Variants in FBXL17 observed in about 807,000 individuals in gnomAD.
FBXL17 encodes F-box and leucine rich repeat protein 17.
FBXL17 carries 22 observed loss-of-function variants against 66.2 expected under a neutral mutation model. That is an observed-to-expected ratio of 0.33 (90% CI 0.24 to 0.47). FBXL17 has a LOEUF of 0.47. FBXL17 is among the 20% of genes least tolerant of loss of function. The pLI, the probability that FBXL17 is intolerant of heterozygous loss-of-function variation, is 1.00. For synonymous variants in FBXL17, 474 were observed against 400.5 expected (o/e 1.18, Z -2.19); for missense variants, 878 against 948.2 (o/e 0.93, Z 0.97).
At chr5:107,887,480 C>T (rs1227847511) in intron 7 of FBXL17, among the ~76,000 whole-genome samples, 1 of 152,066 alleles carries the variant, frequency 6.6e-6, no homozygotes, top group Non-Finnish European at 1.5e-5. Context: ...GAAGAAAAGC[C>T]CTAGTGCTTG....
chr5:108,107,497 T>G (rs994639902), intron 6 of FBXL17, among the ~76,000 whole-genome samples: 1 of 152,118 alleles, frequency 6.6e-6, no homozygotes, highest in Non-Finnish European at 1.5e-5. Context: ...GGCTTGACAA[T>G]TTCACTTTGT....
chr5:107,986,041 AATATT>A (rs981124688), intron 7 of FBXL17, among the ~76,000 whole-genome samples: 3 of 152,144 alleles, frequency 2.0e-5, no homozygotes, highest in African/African-American at 7.2e-5. Flanking sequence ...AAGTTATAAT[AATATT>A]ATATGTGGTT....
chr5:108,114,975 T>C lies in FBXL17; in HGVS notation c.1745+71142A>G, dbSNP rs139928870. Among the ~76,000 whole-genome samples the C allele has an allele frequency of 1.1e-3, 163 of 152,298 alleles. 2 individuals carry two copies. The highest frequency in any genetic ancestry group is 3.6e-3 in the African/African-American group (151 of 41,568). ...ATACAGAAATGTAGTCCAAAAAATG[T>C]AGTGATTTCAAAATGGTGTGCACTC... On this transcript the variant is annotated intron_variant, in intron 6 of 8. Coordinates refer to ENST00000542267, the MANE Select transcript of FBXL17 (RefSeq NM_001163315.3).
intron 6 of FBXL17, among the ~76,000 whole-genome samples, chr5:108,171,428 C>A (rs1337936780): frequency 6.6e-6 from 1 of 152,156 alleles, no homozygotes; most frequent in East Asian, 1.9e-4. Flanking sequence ...AGACATTCTA[C>A]CTATCTGTGC....
intron 6 of FBXL17, among the ~76,000 whole-genome samples, chr5:108,034,551 TTAA>T (rs1160295668): frequency 2.0e-5 from 3 of 152,210 alleles, no homozygotes; most frequent in African/African-American, 7.2e-5. Flanking sequence ...CTATTTCTAA[TTAA>T]TACTTGAGTA....
At chr5:107,915,050 GATA>G (rs140181213) in intron 7 of FBXL17, among the ~76,000 whole-genome samples, 2,320 of 152,178 alleles carry the variant, frequency 0.015, 73 homozygotes, top group African/African-American at 0.053. Flanking sequence ...TGATGAAGAA[GATA>G]ATAAACTATC....
chr5:107,994,559 G>T (rs187575447), intron 7 of FBXL17, among the ~76,000 whole-genome samples: 1 of 152,112 alleles, frequency 6.6e-6, no homozygotes, highest in African/African-American at 2.4e-5. Flanking sequence ...CCTATACAAG[G>T]CTGGGCACGG....
At chr5:108,283,944 C>T (rs2150153427) in intron 4 of FBXL17, among the ~76,000 whole-genome samples, 3 of 152,072 alleles carry the variant, frequency 2.0e-5, no homozygotes, top group Middle Eastern at 3.4e-3. Context: ...CAATACTCCA[C>T]ATCGCTAATC....
At chr5:108,014,103 G>A (rs1398923163) in intron 7 of FBXL17, among the ~76,000 whole-genome samples, 1 of 152,048 alleles carries the variant, frequency 6.6e-6, no homozygotes, top group Admixed American at 6.6e-5. Context: ...GAGGGTTAAA[G>A]ATAGGAACTC....
At chr5:108,023,631 A>T (rs1443032380) in intron 6 of FBXL17, among the ~76,000 whole-genome samples, 1 of 152,168 alleles carries the variant, frequency 6.6e-6, no homozygotes, top group Admixed American at 6.6e-5. Context: ...ACATGCTTAC[A>T]AGTAGTACAT....
chr5:108,020,250 A>G (rs1346184608), intron 7 of FBXL17, among the ~76,000 whole-genome samples: 2 of 151,992 alleles, frequency 1.3e-5, no homozygotes, highest in African/African-American at 4.8e-5. Flanking sequence ...CTCTGTAATT[A>G]GATTAAATAC....
intron 6 of FBXL17, among the ~76,000 whole-genome samples, chr5:108,044,015 A>C (rs1409503506): frequency 6.6e-6 from 1 of 152,228 alleles, no homozygotes; most frequent in Non-Finnish European, 1.5e-5. Context: ...GTATACAGAA[A>C]TACAATCGAG....
At chr5:108,000,428 A>G (rs1753676829) in intron 7 of FBXL17, among the ~76,000 whole-genome samples, 1 of 152,172 alleles carries the variant, frequency 6.6e-6, no homozygotes, top group Admixed American at 6.6e-5. Flanking sequence ...CTGCATGTTA[A>G]TCACCTTTTC....
intron 7 of FBXL17, among the ~76,000 whole-genome samples, chr5:107,936,983 A>C (rs1750929860): frequency 6.6e-6 from 1 of 152,102 alleles, no homozygotes; most frequent in African/African-American, 2.4e-5. Flanking sequence ...AACAAAAATT[A>C]GATTAAACAA....
intron 7 of FBXL17, among the ~76,000 whole-genome samples, chr5:108,009,000 GA>G (rs923754295): frequency 2.1e-4 from 31 of 148,772 alleles, no homozygotes; most frequent in Admixed American, 1.6e-3. Flanking sequence ...TAAGTAGGAA[GA>G]AAAAAAAGGG....
intron 7 of FBXL17, among the ~76,000 whole-genome samples, chr5:107,956,491 C>T (rs1751670207): frequency 6.6e-6 from 1 of 152,168 alleles, no homozygotes; most frequent in Admixed American, 6.5e-5. Context: ...GCACCAACTC[C>T]AGTTTTTCCC....
chr5:108,381,610 G>C lies in FBXL17; in HGVS notation c.82C>G (p.Arg28Gly), dbSNP rs946284644. 1 of 1,482,220 alleles carries C rather than the reference G, an allele frequency of 6.7e-7. No individual in the cohort carries two copies. Among genetic ancestry groups the C allele is most frequent in the Admixed American group, 2.3e-5 (1 of 42,708 alleles). The allele number at this position is 1,482,220 out of a possible 1,614,324, so 91.8% of individuals were successfully genotyped here. ...PRCCSWCRRR[R>G]PLLRLPRRTP... is the part of the protein sequence containing the mutation. ...CGGCGGGGCAGCCTGAGGAGAGGGC[G>C]CCGGCGGCGGCACCAACTGCAACAG... The change falls in exon 1 of 9, where the codon CGC becomes GGC. Residue 28 changes from arginine (R) to glycine (G), a missense_variant. Physicochemically the swap from Arg to Gly is moderately radical, Grantham distance 125 (BLOSUM62 -2). Transcript: ENST00000542267.
chr5:107,982,615 T>C (rs112134883), intron 7 of FBXL17, among the ~76,000 whole-genome samples: 1 of 152,208 alleles, frequency 6.6e-6, no homozygotes, highest in African/African-American at 2.4e-5. Context: ...GGTTAATTGA[T>C]AGGACACACA....
In FBXL17 at chr5:108,234,297, A is replaced by G. The variant is rs115881659; in HGVS notation, c.1507-10069T>C. Among the ~76,000 whole-genome samples the G allele has an allele frequency of 2.0e-3, 300 of 152,170 alleles. 2 individuals are homozygous for G. Among genetic ancestry groups the G allele is most frequent in the African/African-American group, 7.0e-3 (291 of 41,516 alleles). Reference sequence around the variant, plus strand: ...GAGAATAGACAATAAAAATAGCTACATTTACTAAGGCCTTAACGTGTGCCC... The same window carrying G: ...GAGAATAGACAATAAAAATAGCTACGTTTACTAAGGCCTTAACGTGTGCCC... On this transcript the variant is annotated intron_variant, in intron 4 of 8. Transcript: ENST00000542267.
Sources: gnomAD v4.1 joint callset for allele counts (sites outside exome capture counted in the v4.1 genomes callset) on GRCh38, gnomAD v4.1.1 for gene constraint, MANE v1.5 for transcripts, NCBI Gene and HGNC (gene_info 2026-07-23, HGNC 2026-07-21) for gene names.